The following CBL variants were observed in gnomAD, a reference collection of about 807,000 sequenced individuals.
The protein encoded by CBL is Cbl proto-oncogene.
CBL carries 45 observed loss-of-function variants against 96.9 expected under a neutral mutation model. The observed-to-expected ratio is 0.46, with a 90% CI of 0.37 to 0.60. The LOEUF (loss-of-function observed/expected upper bound fraction) is 0.60. Ranked by LOEUF, CBL falls within the 20% of genes least tolerant of loss-of-function variation. CBL has a pLI of 0.00. For synonymous variants in CBL, 420 were observed against 426.8 expected, an observed-to-expected ratio of 0.98 and a Z score of 0.20; for missense variants, 1,024 against 1,143.5, an observed-to-expected ratio of 0.90 and a Z score of 1.51.
chr11:119,276,374 C>CT (rs1949889553), intron 6 of CBL, among the ~76,000 whole-genome samples: 1 of 151,840 alleles, frequency 6.6e-6, no homozygotes, highest in African/African-American at 2.4e-5. Flanking sequence ...CTTTATCTTT[C>CT]TTTTTTCCAA....
chr11:119,277,239 GCGCACA>G (rs1323518258), intron 6 of CBL, among the ~76,000 whole-genome samples: 10 of 138,258 alleles, frequency 7.2e-5, no homozygotes, highest in African/African-American at 2.4e-4. Flanking sequence ...AGAATCTGTC[GCGCACA>G]CACACACACA....
Position 119,304,630 on chromosome 11 carries a change from A to ATT in CBL, c.*4862_*4863dup, listed in dbSNP as rs572265582. 4.5e-4 allele frequency: 89 copies of ATT among 198,744 alleles called. No individual in the cohort carries two copies. Among genetic ancestry groups the ATT allele is most frequent in the Middle Eastern group, 1.6e-3 (1 of 610 alleles). The allele number at this position is 198,744 out of a possible 1,614,324, so 12.3% of individuals were successfully genotyped here. A position where few individuals can be genotyped will look rare whatever the true frequency, so the allele number is the denominator to read the frequency against. ...ACAAATTCTCAATTTCCCATACTTA[A>ATT]TTTTTTTTTTTTTTGAGATGGAGTC... On this transcript the variant is annotated 3_prime_UTR_variant, in exon 16 of 16. Coordinates refer to ENST00000264033, the MANE Select transcript of CBL (RefSeq NM_005188.4).
At chr11:119,239,223 C>T (rs1309138576) in intron 2 of CBL, among the ~76,000 whole-genome samples, 1 of 152,150 alleles carries the variant, frequency 6.6e-6, no homozygotes, top group Non-Finnish European at 1.5e-5. Context: ...TGCCCATCTC[C>T]ACCTCACAAA....
At chr11:119,225,520 T>G (rs567494820) in intron 1 of CBL, among the ~76,000 whole-genome samples, 205 of 152,158 alleles carry the variant, frequency 1.3e-3, no homozygotes, top group African/African-American at 4.7e-3. Context: ...CACCTCAGCA[T>G]CCCAAGTAGT....
intron 1 of CBL, among the ~76,000 whole-genome samples, chr11:119,210,051 G>A (rs1381277625): frequency 2.0e-5 from 3 of 152,192 alleles, no homozygotes; most frequent in Non-Finnish European, 4.4e-5. Flanking sequence ...GAGGAGAGGA[G>A]TGGGAAGTGG....
At chr11:119,273,216 C>G (rs1253980402) in intron 3 of CBL, among the ~76,000 whole-genome samples, 1 of 152,098 alleles carries the variant, frequency 6.6e-6, no homozygotes, top group East Asian at 1.9e-4. Context: ...CCTGGCCTCT[C>G]AAAGTACTAG....
At chr11:119,226,551 G>A (rs540305382) in intron 1 of CBL, among the ~76,000 whole-genome samples, 1 of 152,022 alleles carries the variant, frequency 6.6e-6, no homozygotes, top group African/African-American at 2.4e-5. Flanking sequence ...TCCTCCTTCT[G>A]GGTTCAAGCA....
chr11:119,264,662 T>C (rs1018017786), intron 2 of CBL, among the ~76,000 whole-genome samples: 3 of 151,532 alleles, frequency 2.0e-5, no homozygotes, highest in African/African-American at 4.9e-5. Context: ...TTGTTTTTTT[T>C]GTAGAGACGG....
At chr11:119,297,828 C>G (rs759707782) in intron 14 of CBL, among the ~76,000 whole-genome samples, 27 of 152,202 alleles carry the variant, frequency 1.8e-4, no homozygotes, top group Non-Finnish European at 3.1e-4. Context: ...TCCTTTATTT[C>G]CTACTCACAC....
At chr11:119,298,864 C>T (rs745872882) in intron 15 of CBL, among the ~76,000 whole-genome samples, 4 of 152,184 alleles carry the variant, frequency 2.6e-5, no homozygotes, top group Non-Finnish European at 5.9e-5. Flanking sequence ...TTTTCCTGGG[C>T]TCTGTTCCAT....
intron 6 of CBL, 50 bp from the exon 7 acceptor site, chr11:119,277,707 G>A: frequency 8.2e-7 from 1 of 1,219,846 alleles, no homozygotes; most frequent in South Asian, 1.2e-5. Flanking sequence ...ATATTAGCAA[G>A]CACTGGCAAA....
At chr11:119,228,303 G>C (rs1052456166) in intron 1 of CBL, among the ~76,000 whole-genome samples, 1 of 151,916 alleles carries the variant, frequency 6.6e-6, no homozygotes, top group Non-Finnish European at 1.5e-5. Flanking sequence ...TGTAGAGATG[G>C]GGTTTTGCAA....
rs1950164708 is a variant in CBL, at chr11:119,308,109, A to G, written c.*8328A>G. 5.8e-6 allele frequency: 1 copy of G among 172,432 alleles called. No individual in the cohort carries two copies. 10.7% of individuals were successfully genotyped at this position (172,432 alleles called of 1,614,324 possible). A position where few individuals can be genotyped will look rare whatever the true frequency, so the allele number is the denominator to read the frequency against. ...AGCTTTTTCAAGCACCCATGTCTGT[A>G]AAAAAATATTTTTAAATAAAGTTTC... On this transcript the variant is annotated 3_prime_UTR_variant, in exon 16 of 16. Transcript: ENST00000264033.
At chr11:119,295,112 G>GAAGGCA (rs930668848) in intron 12 of CBL, among the ~76,000 whole-genome samples, 1 of 152,170 alleles carries the variant, frequency 6.6e-6, no homozygotes, top group Non-Finnish European at 1.5e-5. Context: ...CGTGGCTCCG[G>GAAGGCA]CTTGGAACCT....
At chr11:119,281,094 C>T (rs192795144) in intron 9 of CBL, among the ~76,000 whole-genome samples, 18 of 152,164 alleles carry the variant, frequency 1.2e-4, no homozygotes, top group African/African-American at 2.9e-4. Flanking sequence ...TATGTGATAC[C>T]GTGTACTGCT....
intron 1 of CBL, among the ~76,000 whole-genome samples, chr11:119,224,439 C>G (rs1350568807): frequency 6.6e-6 from 1 of 152,024 alleles, no homozygotes; most frequent in East Asian, 1.9e-4. Flanking sequence ...ACTTTTGACT[C>G]CCTGCCAAAA....
intron 1 of CBL, among the ~76,000 whole-genome samples, chr11:119,228,381 G>A (rs1212078235): frequency 2.0e-5 from 3 of 152,034 alleles, no homozygotes; most frequent in Admixed American, 6.6e-5. Context: ...CGAGGTGGGC[G>A]GATCACCAGA....
In CBL at chr11:119,278,266, T is replaced by C. The variant is rs1949905189; in HGVS notation, c.1196T>C (p.Leu399Pro). ...GTAAAGATTGAGCCCTGTGGACACC[T>C]CATGTGCACATCCTGTCTTACATCC... ...KDVKIEPCGH[L>P]MCTSCLTSWQ... is the part of the protein sequence containing the mutation. Residue 399 changes from leucine to proline, a missense_variant, in exon 8 of 16, where the codon CTC (leucine) becomes CCC (proline). Leu to Pro is a moderately conservative substitution (Grantham distance 98). Around this residue, in one of 4 missense-constraint regions of CBL, gnomAD observed 695 missense variants for 661.6 expected, o/e 1.05. Coordinates refer to ENST00000264033, the MANE Select transcript of CBL (RefSeq NM_005188.4). 1.2e-6 allele frequency: 2 copies of C among 1,613,550 alleles called. No individual in the cohort carries two copies. Among genetic ancestry groups the C allele is most frequent in the Non-Finnish European group, 1.7e-6 (2 of 1,179,572 alleles).
intron 2 of CBL, among the ~76,000 whole-genome samples, chr11:119,250,311 TACC>T (rs1387153706): frequency 6.6e-6 from 1 of 152,234 alleles, no homozygotes; most frequent in Non-Finnish European, 1.5e-5. Flanking sequence ...TTATTCCCTC[TACC>T]CCTTTCAGGT....
Sources: gnomAD v4.1 joint callset for allele counts (sites outside exome capture counted in the v4.1 genomes callset) on GRCh38, gnomAD v4.1.1 for gene constraint, gnomAD v4.1.1 regional missense constraint, MANE v1.5 for transcripts, NCBI Gene and HGNC (gene_info 2026-07-23, HGNC 2026-07-21) for gene names.